Variants in ROBO1 observed in about 807,000 individuals in gnomAD.
ROBO1 encodes the protein roundabout guidance receptor 1.
ROBO1 carries 149 observed loss-of-function variants against 195.9 expected under a neutral mutation model. That is an observed-to-expected ratio of 0.76 (90% CI 0.67 to 0.87). The LOEUF is 0.87. ROBO1 is among the 40% of genes least tolerant of loss of function. The pLI, the probability that ROBO1 is intolerant of heterozygous loss-of-function variation, is 0.00. For missense variants in ROBO1, 1,933 were observed against 2,068.3 expected, an observed-to-expected ratio of 0.93 and a Z score of 1.27; for synonymous variants, 816 against 733.2, an observed-to-expected ratio of 1.11 and a Z score of -1.82.
intron 2 of ROBO1, among the ~76,000 whole-genome samples, chr3:79,503,328 T>G (rs1940213509): frequency 6.6e-6 from 1 of 151,992 alleles, no homozygotes; most frequent in Non-Finnish European, 1.5e-5. Flanking sequence ...TCCGAACACA[T>G]GGGAACATCA....
At chr3:79,541,856 G>A (rs1942083644) in intron 2 of ROBO1, among the ~76,000 whole-genome samples, 1 of 150,618 alleles carries the variant, frequency 6.6e-6, no homozygotes, top group African/African-American at 2.4e-5. Flanking sequence ...GAGAGAGAGA[G>A]AGAAAGAGAG....
chr3:78,817,070 T>C (rs2030092356), intron 4 of ROBO1, among the ~76,000 whole-genome samples: 1 of 152,212 alleles, frequency 6.6e-6, no homozygotes, highest in East Asian at 1.9e-4. Context: ...AACTACCATT[T>C]TGAAAGAAGT....
chr3:79,477,435 G>T (rs1326579708), intron 2 of ROBO1, among the ~76,000 whole-genome samples: 1 of 151,944 alleles, frequency 6.6e-6, no homozygotes, highest in African/African-American at 2.4e-5. Context: ...GATTTATGAG[G>T]GTAAACAGTA....
intron 2 of ROBO1, among the ~76,000 whole-genome samples, chr3:79,190,356 G>A (rs953364283): frequency 3.3e-5 from 5 of 151,558 alleles, no homozygotes; most frequent in Non-Finnish European, 7.4e-5. Flanking sequence ...GTATAGAGAA[G>A]AACTGAATTA....
At chr3:78,946,280 G>C (rs145096213) in intron 3 of ROBO1, among the ~76,000 whole-genome samples, 3 of 152,086 alleles carry the variant, frequency 2.0e-5, no homozygotes, top group Non-Finnish European at 2.9e-5. Context: ...GAGAAAGGTC[G>C]GGTTACCCAC....
At chr3:78,627,954 C>CTTTTTTTT (rs11445603) in intron 25 of ROBO1, among the ~76,000 whole-genome samples, 1 of 143,432 alleles carries the variant, frequency 7.0e-6, no homozygotes. Flanking sequence ...AAAAATTACT[C>CTTTTTTTT]TTTTTTTTTT....
At chr3:78,620,525 A>G (rs1346677247) in intron 26 of ROBO1, among the ~76,000 whole-genome samples, 34 of 152,210 alleles carry the variant, frequency 2.2e-4, no homozygotes. Context: ...AAAAAAGAAG[A>G]AAAACATTTT....
At chr3:79,062,938 A>C (rs2078945841) in intron 3 of ROBO1, among the ~76,000 whole-genome samples, 1 of 152,040 alleles carries the variant, frequency 6.6e-6, no homozygotes, top group Admixed American at 6.6e-5. Context: ...CTATGTAAAA[A>C]ACCTGCACGT....
chr3:78,618,233 G>A (rs1278371391), intron 26 of ROBO1, among the ~76,000 whole-genome samples, 192 bp from the exon 27 acceptor site: 1 of 152,068 alleles, frequency 6.6e-6, no homozygotes, highest in African/African-American at 2.4e-5. Flanking sequence ...GCAACCAGAG[G>A]CTCCACCGGG....
intron 2 of ROBO1, among the ~76,000 whole-genome samples, chr3:79,317,731 T>C (rs2033799697): frequency 1.3e-5 from 2 of 152,102 alleles, no homozygotes; most frequent in Admixed American, 6.6e-5. Flanking sequence ...TGTCCTCATT[T>C]TGAAATAGTT....
chr3:79,291,383 T>C (rs561751982), intron 2 of ROBO1, among the ~76,000 whole-genome samples: 2 of 151,062 alleles, frequency 1.3e-5, no homozygotes, highest in Non-Finnish European at 3.0e-5. Context: ...CCAGCTCCCG[T>C]GTTATTTATG....
At chr3:79,066,754 G>C (rs1422068349) in intron 3 of ROBO1, among the ~76,000 whole-genome samples, 3 of 151,800 alleles carry the variant, frequency 2.0e-5, no homozygotes, top group African/African-American at 7.3e-5. Context: ...ACACTGGAAG[G>C]AATATTATTC....
intron 2 of ROBO1, among the ~76,000 whole-genome samples, chr3:79,418,551 GAATA>G (rs2038099109): frequency 6.6e-6 from 1 of 152,052 alleles, no homozygotes; most frequent in Admixed American, 6.6e-5. Context: ...TTAATTGCAT[GAATA>G]AATTAACAAG....
chr3:78,814,792 C>T (rs2108644952), intron 4 of ROBO1, among the ~76,000 whole-genome samples: 1 of 152,122 alleles, frequency 6.6e-6, no homozygotes, highest in South Asian at 2.1e-4. Flanking sequence ...TTTTATAGTG[C>T]TTCACTTTGC....
chr3:79,295,176 T>A (rs755622379), intron 2 of ROBO1, among the ~76,000 whole-genome samples: 3 of 152,130 alleles, frequency 2.0e-5, no homozygotes, highest in Non-Finnish European at 2.9e-5. Flanking sequence ...CTATTCACAA[T>A]AGCAAATACC....
chr3:78,608,575 T>C (rs1195853348), intron 28 of ROBO1, among the ~76,000 whole-genome samples: 2 of 151,992 alleles, frequency 1.3e-5, no homozygotes, highest in East Asian at 3.9e-4. Context: ...AGAATAAGAG[T>C]AGATACTAAG....
intron 2 of ROBO1, among the ~76,000 whole-genome samples, chr3:79,334,434 A>G (rs751166925): frequency 8.0e-5 from 12 of 149,806 alleles, no homozygotes; most frequent in Admixed American, 8.0e-4. Flanking sequence ...TACTTTAATC[A>G]TCTTCCTCAA....
At chr3:79,386,810 T>C (rs1046268440) in intron 2 of ROBO1, among the ~76,000 whole-genome samples, 1 of 152,004 alleles carries the variant, frequency 6.6e-6, no homozygotes, top group African/African-American at 2.4e-5. Flanking sequence ...CTCAGTGCAG[T>C]GGAGTACCCA....
At position 79,669,018 on chromosome 3, in the gene ROBO1, A is replaced by G. The variant is rs185573472; in HGVS notation, c.-50-79057T>C. On this transcript the variant is annotated intron_variant, in intron 1 of 30. Transcript: ENST00000464233. ...GTTGAAAACTTTCTATCACATAGTG[A>G]TATCATATCCATCTTAATGTCATTG... 1.2e-4 allele frequency among the ~76,000 whole-genome samples: 18 copies of G among 152,006 alleles called. No individual in the cohort carries two copies. In the East Asian group the frequency reaches 3.5e-3, roughly 30 times the overall value.
Sources: allele counts gnomAD v4.1 joint callset (sites outside exome capture counted in the v4.1 genomes callset), GRCh38; gene constraint gnomAD v4.1.1; transcripts MANE v1.5; gene names NCBI Gene and HGNC (gene_info 2026-07-23, HGNC 2026-07-21).